Variants in EPHA5 observed in about 807,000 individuals in gnomAD.
EPHA5 encodes the protein ephrin type-A receptor 5.
EPHA5 carries 60 observed loss-of-function variants against 105.0 expected under a neutral mutation model. The observed-to-expected ratio is 0.57, with a 90% CI of 0.46 to 0.71. EPHA5 has a LOEUF of 0.71. Among genes scored for constraint, EPHA5 ranks in the 30% least tolerant of loss-of-function variants. The pLI is 0.00. For missense variants in EPHA5, 1,218 were observed against 1,274.7 expected, an observed-to-expected ratio of 0.96 and a Z score of 0.68; for synonymous variants, 513 against 449.1, an observed-to-expected ratio of 1.14 and a Z score of -1.80.
chr4:65,570,176 T>C (rs1335203663), intron 3 of EPHA5, among the ~76,000 whole-genome samples: 7 of 151,848 alleles, frequency 4.6e-5, no homozygotes, highest in Non-Finnish European at 8.9e-5. Context: ...AAGAAGATGA[T>C]AGAACTATAC....
chr4:65,464,667 G>A (rs1728442700), intron 5 of EPHA5, among the ~76,000 whole-genome samples: 1 of 152,062 alleles, frequency 6.6e-6, no homozygotes, highest in African/African-American at 2.4e-5. Context: ...AAGGGGGAAT[G>A]TTGACAAAAT....
rs2149438234 is a variant in EPHA5, at chr4:65,601,826, A to T, written c.725T>A (p.Val242Asp). The part of the protein sequence containing the change: ...KCPSVVRHLA[V>D]FPDTITGADS... ...AGCTCCAGTGATGGTGTCAGGGAAGACAGCCAAGTGTCGTACCACAGAAGG... is the reference window on the plus strand; with the variant it reads ...AGCTCCAGTGATGGTGTCAGGGAAGTCAGCCAAGTGTCGTACCACAGAAGG... Residue 242 changes from valine (V) to aspartate (D), a missense_variant, in exon 3 of 17, where the codon GTC becomes GAC. Coordinates refer to ENST00000613740, the MANE Select transcript of EPHA5 (RefSeq NM_001281766.3). The T allele has an allele frequency of 6.2e-7, 1 of 1,614,182 alleles. No individual in the cohort carries two copies. The highest frequency in any genetic ancestry group is 8.5e-7 in the Non-Finnish European group (1 of 1,180,028).
In EPHA5 at chr4:65,576,059, A is replaced by AAAG. The variant is rs1491350087; in HGVS notation, c.910+25581_910+25582insCTT. 2.4e-3 allele frequency among the ~76,000 whole-genome samples: 144 copies of AAAG among 61,124 alleles called. 1 individual carries two copies. The highest frequency in any genetic ancestry group is 8.1e-3 in the Middle Eastern group (1 of 124). 40.1% of individuals were successfully genotyped at this position (61,124 alleles called of 152,430 possible). On this transcript the variant is annotated intron_variant, in intron 3 of 16. Coordinates refer to ENST00000613740, the MANE Select transcript of EPHA5 (RefSeq NM_001281766.3). ...GAAAGAAAGAAAGAAAGAAAGAAAG[A>AAAG]AAAGAAAAGAAAAGAAAAGAAAAGA...
chr4:65,436,010 A>G (rs1190584793), intron 5 of EPHA5, among the ~76,000 whole-genome samples: 2 of 152,088 alleles, frequency 1.3e-5, no homozygotes, highest in African/African-American at 2.4e-5. Flanking sequence ...TCTCAGTGAT[A>G]GTAGATGCTA....
At chr4:65,470,521 C>T (rs746265139) in intron 5 of EPHA5, among the ~76,000 whole-genome samples, 1 of 152,094 alleles carries the variant, frequency 6.6e-6, no homozygotes, top group Admixed American at 6.6e-5. Flanking sequence ...AATAGTAGAA[C>T]ATGTATTTTA....
At chr4:65,409,986 T>C (rs1238123803) in intron 7 of EPHA5, among the ~76,000 whole-genome samples, 2 of 152,202 alleles carry the variant, frequency 1.3e-5, no homozygotes, top group Non-Finnish European at 2.9e-5. Context: ...AGAGCCGTTT[T>C]GGAAAACATG....
intron 3 of EPHA5, among the ~76,000 whole-genome samples, chr4:65,582,124 A>G (rs538560533): frequency 5.3e-5 from 8 of 151,814 alleles, no homozygotes; most frequent in African/African-American, 1.9e-4. Context: ...AAAAATAAAT[A>G]AAAGGAACTC....
At chr4:65,389,190 C>A (rs1345603045) in intron 8 of EPHA5, among the ~76,000 whole-genome samples, 1 of 152,002 alleles carries the variant, frequency 6.6e-6, no homozygotes, top group South Asian at 2.1e-4. Context: ...CTTGTGCAAG[C>A]TTAATGTGTC....
In EPHA5 at chr4:65,333,018, T is replaced by C. The variant is rs567172835; in HGVS notation, c.2790-890A>G. Reference sequence around the variant, plus strand: ...ACCCCAAATACAAAACAAAACTTAATAGAATCAACTAAATCAATAGACACT... The same window carrying C: ...ACCCCAAATACAAAACAAAACTTAACAGAATCAACTAAATCAATAGACACT... On this transcript the variant is annotated intron_variant, in intron 15 of 16. Transcript: ENST00000613740. Among the ~76,000 whole-genome samples the C allele has an allele frequency of 2.1e-4, 32 of 151,936 alleles. 1 individual carries two copies. The South Asian group carries it at 6.4e-3, about 30-fold the overall frequency.
intron 3 of EPHA5, among the ~76,000 whole-genome samples, chr4:65,588,372 C>T (rs1330590925): frequency 2.0e-5 from 3 of 152,066 alleles, no homozygotes; most frequent in Non-Finnish European, 4.4e-5. Flanking sequence ...TCCCTTTGGC[C>T]TACTTTTGTA....
chr4:65,619,019 G>C (rs370460643), intron 2 of EPHA5, among the ~76,000 whole-genome samples: 3 of 152,132 alleles, frequency 2.0e-5, no homozygotes, highest in East Asian at 3.9e-4. Flanking sequence ...GCCGGGCATG[G>C]TGGCGGGTGC....
Position 65,411,776 on chromosome 4 carries a change from T to C in EPHA5, c.1687+2508A>G, listed in dbSNP as rs185960150. ...CAAAAGTTCTGGAAAAAAGTATTAA[T>C]TTAATTATCATTGTGTATCTTCTTT... is the stretch of plus-strand genomic sequence containing the variant. On this transcript the variant is annotated intron_variant, in intron 7 of 16. Transcript: ENST00000613740. 2.3e-3 allele frequency among the ~76,000 whole-genome samples: 350 copies of C among 152,306 alleles called. 2 individuals carry two copies. The highest frequency in any genetic ancestry group is 8.0e-3 in the African/African-American group (331 of 41,576).
At position 65,321,186 on chromosome 4, in the gene EPHA5, A is replaced by G. The variant is rs1206616923; in HGVS notation, c.*2928T>C. On this transcript the variant is annotated 3_prime_UTR_variant, in exon 17 of 17. Transcript: ENST00000613740. ...CTGTGAAAGACTCATGCCCCTTAAG[A>G]TATTGCTACTGGCAATTACAATAAG... 2 of 230,746 alleles carry G rather than the reference A, an allele frequency of 8.7e-6. No individual in the cohort carries two copies. The highest frequency in any genetic ancestry group is 1.2e-4 in the East Asian group (2 of 16,350). The allele number at this position is 230,746 out of a possible 1,614,324, so 14.3% of individuals were successfully genotyped here.
At chr4:65,347,610 A>G (rs1048477915) in intron 14 of EPHA5, among the ~76,000 whole-genome samples, 1 of 152,176 alleles carries the variant, frequency 6.6e-6, no homozygotes, top group African/African-American at 2.4e-5. Context: ...TTTTTAATTT[A>G]AAGAAACGTA....
intron 3 of EPHA5, among the ~76,000 whole-genome samples, chr4:65,583,957 T>C (rs1289078162): frequency 2.0e-5 from 3 of 151,606 alleles, no homozygotes; most frequent in Admixed American, 1.3e-4. Context: ...ACTATATATG[T>C]AATATATATG....
intron 5 of EPHA5, among the ~76,000 whole-genome samples, chr4:65,482,864 T>A (rs1730512043): frequency 6.6e-6 from 1 of 152,242 alleles, no homozygotes; most frequent in African/African-American, 2.4e-5. Context: ...GAGGATCTTT[T>A]TTTTTTATTA....
intron 2 of EPHA5, among the ~76,000 whole-genome samples, chr4:65,619,388 A>G (rs1359541139): frequency 1.3e-5 from 2 of 152,162 alleles, no homozygotes; most frequent in Admixed American, 1.3e-4. Context: ...ACATTTAGGC[A>G]TTTTTAAAAA....
intron 5 of EPHA5, among the ~76,000 whole-genome samples, chr4:65,467,876 A>G (rs1424759365): frequency 1.3e-5 from 2 of 152,170 alleles, no homozygotes; most frequent in Non-Finnish European, 2.9e-5. Flanking sequence ...GGTCAGGGCG[A>G]AGCAATGTAA....
At chr4:65,620,674 G>T (rs538051977) in intron 2 of EPHA5, among the ~76,000 whole-genome samples, 287 of 152,200 alleles carry the variant, frequency 1.9e-3, no homozygotes, top group African/African-American at 6.6e-3. Flanking sequence ...TTCTTGAAAG[G>T]TTATATATTT....
Sources: allele counts gnomAD v4.1 joint callset (sites outside exome capture counted in the v4.1 genomes callset), GRCh38; gene constraint gnomAD v4.1.1; transcripts MANE v1.5; gene names NCBI Gene and HGNC (gene_info 2026-07-23, HGNC 2026-07-21).